Variants in SYNPO2 observed in about 807,000 individuals in gnomAD.
SYNPO2 encodes the protein synaptopodin 2.
In SYNPO2, 56 loss-of-function variants were observed where a neutral mutation model predicts 85.0. The observed-to-expected ratio is 0.66, with a 90% CI of 0.53 to 0.82. SYNPO2 has a LOEUF of 0.82. SYNPO2 is among the 40% of genes least tolerant of loss of function. The probability of loss-of-function intolerance (pLI) is 0.00; values close to 1 mark genes in which losing one functional copy is unlikely to be tolerated. For synonymous variants in SYNPO2, 602 were observed against 591.1 expected, an observed-to-expected ratio of 1.02 and a Z score of -0.27; for missense variants, 1,575 against 1,534.2, an observed-to-expected ratio of 1.03 and a Z score of -0.44.
Position 119,057,394 on chromosome 4 carries a change from T to G in SYNPO2, c.3253-7T>G, listed in dbSNP as rs371470517. On this transcript the variant is annotated splice_region_variant and splice_polypyrimidine_tract_variant and intron_variant, in intron 4 of 4. Coordinates refer to ENST00000307142, the MANE Select transcript of SYNPO2 (RefSeq NM_133477.3). Reference sequence around the variant, plus strand: ...ATGAGATATATTAATATTTTCATTGTTTTTAGGAGAGTGGGCGCTCCCTTT... The same window carrying G: ...ATGAGATATATTAATATTTTCATTGGTTTTAGGAGAGTGGGCGCTCCCTTT... The G allele has an allele frequency of 6.4e-7, 1 of 1,563,180 alleles. No homozygotes were observed. Among genetic ancestry groups the G allele is most frequent in the Non-Finnish European group, 8.6e-7 (1 of 1,160,176 alleles).
At chr4:118,885,043 G>A (rs1332344589), upstream of SYNPO2, among the ~76,000 whole-genome samples, 1 of 152,178 alleles carries the variant, frequency 6.6e-6, no homozygotes. Flanking sequence ...ATTATTAGGT[G>A]ATTTATGTGT....
intron 1 of SYNPO2, among the ~76,000 whole-genome samples, chr4:118,867,365 T>C (rs1731717684): frequency 6.6e-6 from 1 of 152,202 alleles, no homozygotes; most frequent in African/African-American, 2.4e-5. Context: ...GCCTGTATTA[T>C]TGTGTATTGG....
At chr4:118,943,442 G>A (rs1734388507) in intron 1 of SYNPO2, among the ~76,000 whole-genome samples, 1 of 152,292 alleles carries the variant, frequency 6.6e-6, no homozygotes, top group East Asian at 1.9e-4. Flanking sequence ...CAGTTAAAAG[G>A]TATGACTAAA....
chr4:119,006,860 G>A (rs931562980), intron 1 of SYNPO2, among the ~76,000 whole-genome samples: 10 of 151,912 alleles, frequency 6.6e-5, no homozygotes, highest in East Asian at 3.9e-4. Flanking sequence ...TTCACTCTAC[G>A]TTTATTAGCA....
chr4:118,885,335 G>A (rs961259992), upstream of SYNPO2, among the ~76,000 whole-genome samples: 4 of 151,976 alleles, frequency 2.6e-5, no homozygotes, highest in Non-Finnish European at 5.9e-5. Context: ...TGAATTGAGG[G>A]TGGAAACAAG....
At chr4:118,945,893 G>A (rs1013778417) in intron 1 of SYNPO2, among the ~76,000 whole-genome samples, 1 of 151,880 alleles carries the variant, frequency 6.6e-6, no homozygotes, top group Non-Finnish European at 1.5e-5. Flanking sequence ...CTGCAGGCGC[G>A]CACCACCACA....
chr4:118,936,333 ATATT>A (rs1380259079), intron 1 of SYNPO2, among the ~76,000 whole-genome samples: 1 of 152,166 alleles, frequency 6.6e-6, no homozygotes, highest in Admixed American at 6.6e-5. Context: ...AATGTATTTA[ATATT>A]TATTAATTTA....
At chr4:119,033,423 A>G in intron 4 of SYNPO2, 1 of 985,470 alleles carries the variant, frequency 1.0e-6, no homozygotes, top group Non-Finnish European at 1.2e-6. Flanking sequence ...TATGAAGTGA[A>G]TAATGGTACT....
Position 119,059,844 on chromosome 4 carries a change from T to C in SYNPO2, c.*1910T>C, listed in dbSNP as rs186839878. On this transcript the variant is annotated 3_prime_UTR_variant, in exon 5 of 5. Transcript: ENST00000307142. ...TGGAGAAAAGAAACGATAAATACTTTCCAAGGTTATATTGTTAAATTATCT... is the reference window on the plus strand; with the variant it reads ...TGGAGAAAAGAAACGATAAATACTTCCCAAGGTTATATTGTTAAATTATCT... 19 of 152,074 alleles carry C rather than the reference T, an allele frequency of 1.2e-4. No homozygotes were observed. The highest frequency in any genetic ancestry group is 4.6e-4 in the African/African-American group (19 of 41,398). 9.4% of individuals were successfully genotyped at this position (152,074 alleles called of 1,614,324 possible).
rs1416947148 is a variant in SYNPO2, at chr4:119,059,625, G to T, written c.*1691G>T. The T allele has an allele frequency of 6.6e-6, 1 of 151,988 alleles. No homozygotes were observed. The highest frequency in any genetic ancestry group is 1.5e-5 in the Non-Finnish European group (1 of 68,000). The allele number at this position is 151,988 out of a possible 1,614,324, so 9.4% of individuals were successfully genotyped here. ...TTTAAAGGTGATAATTTTGCTTTGT[G>T]TTACTTTTTTGCTCTTGAATGTATC... On this transcript the variant is annotated 3_prime_UTR_variant, in exon 5 of 5. Coordinates refer to ENST00000307142, the MANE Select transcript of SYNPO2 (RefSeq NM_133477.3).
chr4:118,887,019 T>C (rs1370447047), upstream of SYNPO2, among the ~76,000 whole-genome samples: 2 of 152,228 alleles, frequency 1.3e-5, no homozygotes, highest in Non-Finnish European at 2.9e-5. Flanking sequence ...AAAAAATGTA[T>C]TTCCAGCTGG....
chr4:119,052,996 G>A (rs1455802620), intron 4 of SYNPO2, among the ~76,000 whole-genome samples: 16 of 152,194 alleles, frequency 1.1e-4, no homozygotes, highest in Admixed American at 1.0e-3. Flanking sequence ...CCTTGATGAT[G>A]ATATAACCCA....
chr4:119,001,569 T>C (rs1379364271), intron 1 of SYNPO2, among the ~76,000 whole-genome samples: 1 of 152,200 alleles, frequency 6.6e-6, no homozygotes, highest in African/African-American at 2.4e-5. Context: ...TCAAATCCAG[T>C]ATACCGGGAA....
intron 1 of SYNPO2, among the ~76,000 whole-genome samples, chr4:118,880,304 G>T (rs906904282): frequency 1.3e-5 from 2 of 152,126 alleles, no homozygotes; most frequent in Admixed American, 1.3e-4. Context: ...TTCTTGTTAT[G>T]GGGGGAATTA....
intron 1 of SYNPO2, among the ~76,000 whole-genome samples, chr4:118,913,633 C>T (rs1379645225): frequency 6.6e-6 from 1 of 151,114 alleles, no homozygotes; most frequent in African/African-American, 2.4e-5. Flanking sequence ...CCTGTAATAA[C>T]ATTCAAGCTC....
chr4:118,874,032 G>T (rs985659560), intron 1 of SYNPO2, among the ~76,000 whole-genome samples: 2 of 152,254 alleles, frequency 1.3e-5, no homozygotes, highest in Non-Finnish European at 2.9e-5. Flanking sequence ...CTATAAATAT[G>T]TAGTTTTATT....
chr4:119,014,846 T>C (rs1328769063), intron 1 of SYNPO2, among the ~76,000 whole-genome samples: 1 of 152,128 alleles, frequency 6.6e-6, no homozygotes, highest in Non-Finnish European at 1.5e-5. Flanking sequence ...CACCAGACAG[T>C]TTTTTTGTCA....
At chr4:118,900,703 C>CTCTCTCTCTCTATATATATATATA (rs1277981772) in intron 1 of SYNPO2, among the ~76,000 whole-genome samples, 3 of 43,894 alleles carry the variant, frequency 6.8e-5, no homozygotes, top group African/African-American at 1.6e-4. Context: ...CTCTCTCTCT[C>CTCTCTCTCTCTATATATATATATA]TATATATATA....
rs1414995366 is a variant in SYNPO2 at position 119,061,040 on chromosome 4, T to C, written c.*3106T>C. The C allele has an allele frequency of 1.3e-5, 2 of 152,098 alleles. No individual in the cohort carries two copies. The highest frequency in any genetic ancestry group is 2.9e-5 in the Non-Finnish European group (2 of 67,986). 9.4% of individuals were successfully genotyped at this position (152,098 alleles called of 1,614,324 possible). A position where few individuals can be genotyped will look rare whatever the true frequency, so the allele number is the denominator to read the frequency against. On this transcript the variant is annotated 3_prime_UTR_variant, in exon 5 of 5. Transcript: ENST00000307142. ...TAGAGAGAAATTCCAGAAATATTTG[T>C]TTTTTTAAGAGAAAGTAAATTTTCA...
Sources: allele counts gnomAD v4.1 joint callset (sites outside exome capture counted in the v4.1 genomes callset), GRCh38; gene constraint gnomAD v4.1.1; transcripts MANE v1.5; gene names NCBI Gene and HGNC (gene_info 2026-07-23, HGNC 2026-07-21).